BCL2: variants seen among roughly 807,000 people sequenced by gnomAD.
The protein encoded by BCL2 is BCL2 apoptosis regulator.
BCL2 carries 1 observed loss-of-function variant against 14.2 expected under a neutral mutation model. The ratio of observed to expected loss-of-function variants is 0.07; its 90% CI spans 0.02 to 0.33. The LOEUF is 0.33. Ranked by LOEUF, BCL2 falls within the 10% of genes least tolerant of loss-of-function variation. BCL2 has a pLI of 0.99. For missense variants in BCL2, 247 were observed against 305.9 expected (o/e 0.81, Z 1.44); for synonymous variants, 151 against 137.2 (o/e 1.10, Z -0.70).
At chr18:63,135,265 C>T (rs1914180575) in intron 2 of BCL2, among the ~76,000 whole-genome samples, 1 of 152,176 alleles carries the variant, frequency 6.6e-6, no homozygotes, top group Admixed American at 6.5e-5. Context: ...CCTCAACTTG[C>T]TTCCTCCCAT....
chr18:63,218,494 T>C (rs962720256), intron 2 of BCL2, among the ~76,000 whole-genome samples: 1 of 151,964 alleles, frequency 6.6e-6, no homozygotes, highest in Non-Finnish European at 1.5e-5. Flanking sequence ...ATGCAAAGCA[T>C]TGTTCAAAGT....
intron 2 of BCL2, among the ~76,000 whole-genome samples, chr18:63,264,190 G>A (rs1485811523): frequency 6.6e-6 from 1 of 152,142 alleles, no homozygotes; most frequent in Non-Finnish European, 1.5e-5. Context: ...GCTCATAGTA[G>A]GGCCTCATAT....
chr18:63,250,759 G>A (rs1232635526), intron 2 of BCL2, among the ~76,000 whole-genome samples: 1 of 152,134 alleles, frequency 6.6e-6, no homozygotes, highest in Non-Finnish European at 1.5e-5. Flanking sequence ...TGGTCCATAA[G>A]TCCAAGTAAA....
intron 2 of BCL2, among the ~76,000 whole-genome samples, chr18:63,144,551 T>C (rs943012767): frequency 1.2e-4 from 18 of 150,328 alleles, no homozygotes; most frequent in African/African-American, 4.4e-4. Flanking sequence ...CCCGGAGCAA[T>C]AAATATGAGA....
At chr18:63,202,111 C>T (rs1283620008) in intron 2 of BCL2, among the ~76,000 whole-genome samples, 1 of 152,062 alleles carries the variant, frequency 6.6e-6, no homozygotes, top group Non-Finnish European at 1.5e-5. Flanking sequence ...GAGTTTCTGA[C>T]CAGCCTGGCG....
At chr18:63,293,463 TATGAG>T (rs1912711084) in intron 2 of BCL2, among the ~76,000 whole-genome samples, 2 of 152,230 alleles carry the variant, frequency 1.3e-5, no homozygotes, top group Non-Finnish European at 2.9e-5. Flanking sequence ...AACAGTTCTC[TATGAG>T]ATATCTTCCA....
At chr18:63,183,636 C>T (rs748001999) in intron 2 of BCL2, among the ~76,000 whole-genome samples, 8 of 152,170 alleles carry the variant, frequency 5.3e-5, no homozygotes, top group Non-Finnish European at 1.0e-4. Flanking sequence ...CGACTGAAGA[C>T]AAGGGCTGGC....
At chr18:63,224,687 G>A (rs1398768819) in intron 2 of BCL2, among the ~76,000 whole-genome samples, 1 of 152,142 alleles carries the variant, frequency 6.6e-6, no homozygotes. Flanking sequence ...AGTGTAAAGG[G>A]AGTTTTATGA....
intron 2 of BCL2, among the ~76,000 whole-genome samples, chr18:63,279,050 G>A (rs1912235959): frequency 6.6e-6 from 1 of 152,158 alleles, no homozygotes; most frequent in African/African-American, 2.4e-5. Flanking sequence ...AATTCCAGGT[G>A]CATTATGTAG....
At chr18:63,268,605 G>T (rs1432618219) in intron 2 of BCL2, among the ~76,000 whole-genome samples, 1 of 152,114 alleles carries the variant, frequency 6.6e-6, no homozygotes, top group Non-Finnish European at 1.5e-5. Context: ...CTGAGCAAGG[G>T]TTTACATTGG....
intron 2 of BCL2, among the ~76,000 whole-genome samples, chr18:63,258,493 T>G (rs887778914): frequency 9.9e-5 from 15 of 152,216 alleles, no homozygotes; most frequent in Non-Finnish European, 1.6e-4. Context: ...TTATTTGGCT[T>G]TTTAACCACA....
At chr18:63,210,859 C>T (rs1201549066) in intron 2 of BCL2, among the ~76,000 whole-genome samples, 1 of 151,986 alleles carries the variant, frequency 6.6e-6, no homozygotes, top group Non-Finnish European at 1.5e-5. Flanking sequence ...GCAGTCCTGG[C>T]GACCCACACT....
intron 2 of BCL2, among the ~76,000 whole-genome samples, chr18:63,143,121 C>T (rs1168629949): frequency 6.6e-6 from 1 of 152,216 alleles, no homozygotes; most frequent in Non-Finnish European, 1.5e-5. Flanking sequence ...CGGCGAAGGA[C>T]CTCTGACAGT....
chr18:63,140,100 AG>A (rs1456600720), intron 2 of BCL2, among the ~76,000 whole-genome samples: 1 of 152,350 alleles, frequency 6.6e-6, no homozygotes, highest in Middle Eastern at 3.4e-3. Flanking sequence ...AACCACAAGG[AG>A]AGATCACATC....
chr18:63,134,035 C>T (rs1364352104), intron 2 of BCL2, among the ~76,000 whole-genome samples: 2 of 152,060 alleles, frequency 1.3e-5, no homozygotes, highest in Non-Finnish European at 2.9e-5. Context: ...CAGCAAAACA[C>T]GATTCCACTT....
chr18:63,255,838 C>CAA (rs1911459860), intron 2 of BCL2, among the ~76,000 whole-genome samples: 1 of 151,356 alleles, frequency 6.6e-6, no homozygotes, highest in Admixed American at 6.6e-5. Context: ...CCCCCCCCGC[C>CAA]ACACACACAA....
chr18:63,143,219 C>T (rs4456611), intron 2 of BCL2, among the ~76,000 whole-genome samples: 76,242 of 152,086 alleles, frequency 0.5, 19,221 homozygotes, highest in East Asian at 0.62. Context: ...ACGGGAGACC[C>T]AGAGACCCAG....
intron 2 of BCL2, among the ~76,000 whole-genome samples, chr18:63,297,584 G>A (rs1912836037): frequency 6.6e-6 from 1 of 152,200 alleles, no homozygotes; most frequent in Non-Finnish European, 1.5e-5. Flanking sequence ...GTGCCTTTTA[G>A]TGACTAAATG....
chr18:63,232,739 T>A (rs1000902763), intron 2 of BCL2, among the ~76,000 whole-genome samples: 4 of 152,226 alleles, frequency 2.6e-5, no homozygotes, highest in Admixed American at 2.6e-4. Flanking sequence ...TTTATGATGT[T>A]TGTACCCCAA....
Sources: allele counts gnomAD v4.1 joint callset (sites outside exome capture counted in the v4.1 genomes callset), GRCh38; gene constraint gnomAD v4.1.1; transcripts MANE v1.5; gene names NCBI Gene and HGNC (gene_info 2026-07-23, HGNC 2026-07-21).